ZNF704: variants seen among roughly 807,000 people sequenced by gnomAD.
ZNF704 encodes the protein glucocorticoid induced gene 1.
Under a neutral mutation model 44.7 loss-of-function variants are expected in ZNF704, and 10 were observed. That is an observed-to-expected ratio of 0.22 (90% CI 0.14 to 0.38). The LOEUF (loss-of-function observed/expected upper bound fraction) is 0.38. Among genes scored for constraint, ZNF704 ranks in the 10% least tolerant of loss-of-function variants. ZNF704 has a pLI of 1.00. For missense variants in ZNF704, 390 were observed against 545.5 expected, an observed-to-expected ratio of 0.71 and a Z score of 2.84; for synonymous variants, 211 against 207.6, an observed-to-expected ratio of 1.02 and a Z score of -0.14.
intron 2 of ZNF704, among the ~76,000 whole-genome samples, chr8:80,758,425 T>C (rs140120368): frequency 9.1e-4 from 139 of 152,296 alleles, no homozygotes; most frequent in African/African-American, 3.1e-3. Context: ...GGTCATTATA[T>C]ATCATCTGGT....
At chr8:80,687,728 C>T (rs117423964) in intron 3 of ZNF704, among the ~76,000 whole-genome samples, 2,332 of 152,134 alleles carry the variant, frequency 0.015, 22 homozygotes, top group South Asian at 0.043. Context: ...AACACAAATT[C>T]CTTGGGATCA....
At chr8:80,852,142 C>T (rs1396097575) in intron 1 of ZNF704, among the ~76,000 whole-genome samples, 1 of 152,168 alleles carries the variant, frequency 6.6e-6, no homozygotes, top group Non-Finnish European at 1.5e-5. Context: ...AAATGTTCAA[C>T]ATACTTTGCA....
At chr8:80,793,936 A>C (rs1338866731) in intron 2 of ZNF704, among the ~76,000 whole-genome samples, 4 of 152,204 alleles carry the variant, frequency 2.6e-5, no homozygotes. Flanking sequence ...CCTACTTGCT[A>C]AATGTATTGA....
intron 2 of ZNF704, among the ~76,000 whole-genome samples, chr8:80,768,165 T>C (rs906321703): frequency 3.9e-5 from 6 of 152,066 alleles, no homozygotes; most frequent in African/African-American, 1.4e-4. Flanking sequence ...TCCAACAAGA[T>C]TGAAAACAAG....
chr8:80,723,928 GTTGTTAA>G (rs1644317885), intron 2 of ZNF704, among the ~76,000 whole-genome samples: 1 of 152,186 alleles, frequency 6.6e-6, no homozygotes, highest in African/African-American at 2.4e-5. Flanking sequence ...CTATTAGTTA[GTTGTTAA>G]TGAGGGAAAT....
chr8:80,859,687 A>C (rs1809025944), intron 1 of ZNF704, among the ~76,000 whole-genome samples: 1 of 152,182 alleles, frequency 6.6e-6, no homozygotes, highest in African/African-American at 2.4e-5. Context: ...CAAGGACATG[A>C]GCAATCTCGG....
At chr8:80,803,237 G>A (rs376379779) in intron 2 of ZNF704, among the ~76,000 whole-genome samples, 51 of 152,224 alleles carry the variant, frequency 3.4e-4, no homozygotes, top group South Asian at 8.3e-4. Context: ...GGAAGAATCC[G>A]TATCATTAAA....
intron 2 of ZNF704, among the ~76,000 whole-genome samples, chr8:80,807,539 C>CA (rs397945386): frequency 2.6e-5 from 4 of 151,480 alleles, no homozygotes; most frequent in African/African-American, 7.3e-5. Context: ...TGACCCCCCC[C>CA]AAAAAAAAGT....
At chr8:80,727,224 GCACA>G (rs1563532673) in intron 2 of ZNF704, among the ~76,000 whole-genome samples, 1 of 152,094 alleles carries the variant, frequency 6.6e-6, no homozygotes, top group African/African-American at 2.4e-5. Context: ...GTGGGAAATC[GCACA>G]CATTTCTCCC....
intron 2 of ZNF704, among the ~76,000 whole-genome samples, chr8:80,736,462 T>A (rs1389075907): frequency 6.6e-6 from 1 of 152,134 alleles, no homozygotes; most frequent in East Asian, 1.9e-4. Context: ...GTATTTTTAG[T>A]AGAGACAGGG....
chr8:80,830,980 T>C (rs1156321270), intron 1 of ZNF704, among the ~76,000 whole-genome samples: 1 of 151,874 alleles, frequency 6.6e-6, no homozygotes, highest in East Asian at 1.9e-4. Flanking sequence ...GGTCTTGAAC[T>C]CCTGACCTCG....
At chr8:80,818,448 CTT>C (rs2129868857) in intron 2 of ZNF704, among the ~76,000 whole-genome samples, 1 of 152,260 alleles carries the variant, frequency 6.6e-6, no homozygotes, top group East Asian at 1.9e-4. Flanking sequence ...GCTCAAGTCT[CTT>C]ATATAAAATG....
At chr8:80,642,889 T>C (rs1195104653) in intron 8 of ZNF704, 146 bp downstream of exon 8, 2 of 478,098 alleles carry the variant, frequency 4.2e-6, no homozygotes, top group Non-Finnish European at 7.1e-6. Flanking sequence ...TAATGGATGG[T>C]AAAAACCATG....
intron 2 of ZNF704, among the ~76,000 whole-genome samples, chr8:80,724,098 A>G (rs1004178307): frequency 1.3e-5 from 2 of 152,214 alleles, no homozygotes; most frequent in Non-Finnish European, 2.9e-5. Flanking sequence ...TTACTTTTTC[A>G]TAGTATGTCA....
intron 2 of ZNF704, among the ~76,000 whole-genome samples, chr8:80,758,157 T>C (rs984336377): frequency 1.3e-5 from 2 of 152,190 alleles, no homozygotes; most frequent in Non-Finnish European, 1.5e-5. Flanking sequence ...GTATTTCCAG[T>C]CTCAAGTATA....
chr8:80,693,604 G>A (rs113475986), intron 2 of ZNF704, among the ~76,000 whole-genome samples: 2,243 of 152,268 alleles, frequency 0.015, 22 homozygotes, highest in Non-Finnish European at 0.021. Context: ...AGGCAGTGAC[G>A]TCTGAGGTGA....
intron 2 of ZNF704, among the ~76,000 whole-genome samples, chr8:80,760,667 AAAAAAAACC>A (rs1807114847): frequency 6.6e-6 from 1 of 151,658 alleles, no homozygotes; most frequent in African/African-American, 2.4e-5. Flanking sequence ...AAAAAAAAAA[AAAAAAAACC>A]AAAAAACAAA....
intron 2 of ZNF704, among the ~76,000 whole-genome samples, chr8:80,784,028 G>A (rs1260385052): frequency 6.6e-6 from 1 of 152,098 alleles, no homozygotes; most frequent in Non-Finnish European, 1.5e-5. Context: ...GTGCATTTAA[G>A]CTTCTTCCAT....
At chr8:80,723,552 A>C (rs1399414372) in intron 2 of ZNF704, among the ~76,000 whole-genome samples, 1 of 152,254 alleles carries the variant, frequency 6.6e-6, no homozygotes, top group African/African-American at 2.4e-5. Flanking sequence ...TGCCAGTTAA[A>C]AAAGAGCTTA....
Sources: gnomAD v4.1 joint callset for allele counts (sites outside exome capture counted in the v4.1 genomes callset) on GRCh38, gnomAD v4.1.1 for gene constraint, MANE v1.5 for transcripts, NCBI Gene and HGNC (gene_info 2026-07-23, HGNC 2026-07-21) for gene names.